CCDC178: variants seen among roughly 807,000 people sequenced by gnomAD.
The protein encoded by CCDC178 is coiled-coil domain containing 178, also known as coiled-coil domain-containing protein 178.
Under a neutral mutation model 117.4 loss-of-function variants are expected in CCDC178, and 126 were observed. The ratio of observed to expected loss-of-function variants is 1.07; its 90% CI spans 0.93 to 1.24. The LOEUF is 1.24. CCDC178 is among the 50% of genes most tolerant of loss of function. The pLI is 0.00. For synonymous variants in CCDC178, 283 were observed against 313.4 expected, an observed-to-expected ratio of 0.90 and a Z score of 1.02; for missense variants, 1,030 against 986.9, an observed-to-expected ratio of 1.04 and a Z score of -0.59.
intron 11 of CCDC178, among the ~76,000 whole-genome samples, chr18:33,293,534 A>C (rs1038721440): frequency 1.1e-4 from 16 of 152,004 alleles, no homozygotes; most frequent in African/African-American, 3.9e-4. Flanking sequence ...GCATGGTGGC[A>C]CATGCCTGTA....
intron 21 of CCDC178, among the ~76,000 whole-genome samples, chr18:33,050,193 G>T (rs539645537): frequency 6.6e-6 from 1 of 152,084 alleles, no homozygotes; most frequent in South Asian, 2.1e-4. Flanking sequence ...AAGCCTCTGT[G>T]GGAACATTAT....
intron 11 of CCDC178, among the ~76,000 whole-genome samples, chr18:33,300,513 G>A (rs945618775): frequency 2.2e-4 from 34 of 152,168 alleles, no homozygotes; most frequent in Admixed American, 5.9e-4. Flanking sequence ...TAAGATACTG[G>A]TCAAATGGTT....
chr18:33,290,195 G>C (rs115386727), intron 12 of CCDC178, among the ~76,000 whole-genome samples: 101 of 152,166 alleles, frequency 6.6e-4, no homozygotes, highest in African/African-American at 2.3e-3. Flanking sequence ...GCCCAAACCA[G>C]AGAAAACATT....
intron 3 of CCDC178, among the ~76,000 whole-genome samples, chr18:33,399,227 G>T (rs1402959045): frequency 2.0e-5 from 3 of 151,874 alleles, no homozygotes; most frequent in Admixed American, 1.3e-4. Flanking sequence ...TAATGGTCAT[G>T]TGAGCCTTCA....
At chr18:33,014,037 A>G (rs2055928516) in intron 21 of CCDC178, among the ~76,000 whole-genome samples, 1 of 152,232 alleles carries the variant, frequency 6.6e-6, no homozygotes, top group Non-Finnish European at 1.5e-5. Flanking sequence ...AAAGTATTCA[A>G]GGAAAACAGC....
Position 32,937,951 on chromosome 18 carries a change from C to G in CCDC178, c.*60G>C. ...GGTGAATGTCCAATTACACTGTTAT[C>G]TGAACTGTGTGACTTTTCTTGTCTT... On this transcript the variant is annotated 3_prime_UTR_variant, in exon 23 of 23. Coordinates refer to ENST00000383096, the MANE Select transcript of CCDC178 (RefSeq NM_001105528.4). The G allele has an allele frequency of 7.6e-7, 1 of 1,311,978 alleles. No homozygotes were observed. The highest frequency in any genetic ancestry group is 1.7e-5 in the Admixed American group (1 of 59,266). 81.3% of individuals were successfully genotyped at this position (1,311,978 alleles called of 1,614,324 possible).
intron 19 of CCDC178, among the ~76,000 whole-genome samples, chr18:33,213,622 G>T (rs910713751): frequency 3.3e-5 from 5 of 151,840 alleles, no homozygotes; most frequent in Admixed American, 6.6e-5. Context: ...ATTAATTATA[G>T]CATTGTATTA....
intron 9 of CCDC178, among the ~76,000 whole-genome samples, chr18:33,339,837 C>A (rs1049348200): frequency 6.6e-6 from 1 of 152,072 alleles, no homozygotes; most frequent in Non-Finnish European, 1.5e-5. Context: ...CCCTCCCCAG[C>A]CATATGGGAC....
intron 20 of CCDC178, among the ~76,000 whole-genome samples, chr18:33,140,189 C>T (rs1261400361): frequency 3.9e-5 from 6 of 152,034 alleles, no homozygotes; most frequent in African/African-American, 7.2e-5. Flanking sequence ...GCTGCAGGGG[C>T]GTGGCTCTCG....
At chr18:33,175,127 C>T (rs1008092724) in intron 20 of CCDC178, among the ~76,000 whole-genome samples, 5 of 152,108 alleles carry the variant, frequency 3.3e-5, no homozygotes, top group Non-Finnish European at 4.4e-5. Flanking sequence ...CCGCCCGCCT[C>T]GGCCTCCCAA....
intron 10 of CCDC178, among the ~76,000 whole-genome samples, chr18:33,324,785 G>A (rs899487319): frequency 6.6e-6 from 1 of 151,620 alleles, no homozygotes; most frequent in African/African-American, 2.4e-5. Context: ...TTTCATAATT[G>A]TAGTCTTAAA....
At chr18:33,128,080 G>A (rs1385216273) in intron 20 of CCDC178, among the ~76,000 whole-genome samples, 4 of 152,124 alleles carry the variant, frequency 2.6e-5, no homozygotes, top group African/African-American at 7.2e-5. Flanking sequence ...CTAACTTAAG[G>A]CAGGAGAAAT....
At chr18:33,233,375 A>C (rs1387918373) in intron 15 of CCDC178, among the ~76,000 whole-genome samples, 1 of 152,122 alleles carries the variant, frequency 6.6e-6, no homozygotes, top group Non-Finnish European at 1.5e-5. Context: ...TATATGTAAA[A>C]TTGGGATAAC....
chr18:33,392,739 G>C (rs2063580224), intron 4 of CCDC178, among the ~76,000 whole-genome samples: 1 of 152,112 alleles, frequency 6.6e-6, no homozygotes, highest in Non-Finnish European at 1.5e-5. Flanking sequence ...GCACGCACCT[G>C]TAGTCCCAGT....
chr18:33,304,002 G>GC (rs2062215581), intron 11 of CCDC178, among the ~76,000 whole-genome samples: 2 of 152,092 alleles, frequency 1.3e-5, no homozygotes, highest in South Asian at 4.2e-4. Context: ...CCAGAAGCAT[G>GC]CCTGCCTTAG....
At chr18:33,142,396 T>C (rs1176758655) in intron 20 of CCDC178, among the ~76,000 whole-genome samples, 1 of 152,214 alleles carries the variant, frequency 6.6e-6, no homozygotes, top group Non-Finnish European at 1.5e-5. Context: ...TCTATGCCAC[T>C]GTGGAATTTT....
chr18:33,161,330 T>G (rs1568026015), intron 20 of CCDC178, among the ~76,000 whole-genome samples: 1 of 152,112 alleles, frequency 6.6e-6, no homozygotes, highest in African/African-American at 2.4e-5. Flanking sequence ...GGCTATCACA[T>G]GAACACCGAG....
chr18:33,354,559 C>A (rs968345188), intron 7 of CCDC178, among the ~76,000 whole-genome samples: 1 of 151,818 alleles, frequency 6.6e-6, no homozygotes, highest in African/African-American at 2.4e-5. Context: ...GCTACTGAAC[C>A]CTTCTAGTGA....
intron 15 of CCDC178, among the ~76,000 whole-genome samples, chr18:33,244,233 T>C (rs2059520796): frequency 6.6e-6 from 1 of 151,388 alleles, no homozygotes; most frequent in Non-Finnish European, 1.5e-5. Flanking sequence ...GTATATTTTC[T>C]AGGTATTTTT....
Sources: gnomAD v4.1 joint callset for allele counts (sites outside exome capture counted in the v4.1 genomes callset) on GRCh38, gnomAD v4.1.1 for gene constraint, MANE v1.5 for transcripts, NCBI Gene and HGNC (gene_info 2026-07-23, HGNC 2026-07-21) for gene names.